The following ADAM22 variants were observed in gnomAD, a reference collection of about 807,000 sequenced individuals.
ADAM22 encodes disintegrin and metalloproteinase domain-containing protein 22.
In ADAM22, 65 loss-of-function variants were observed where a neutral mutation model predicts 144.6. The observed-to-expected ratio is 0.45, with a 90% confidence interval of 0.37 to 0.55. The LOEUF (loss-of-function observed/expected upper bound fraction) is 0.55, where lower values mean the gene tolerates loss of function less well. Ranked by LOEUF, ADAM22 falls within the 20% of genes least tolerant of loss-of-function variation. The probability of loss-of-function intolerance (pLI) is 0.00; values close to 1 mark genes in which losing one functional copy is unlikely to be tolerated. For synonymous variants in ADAM22, 391 were observed against 412.6 expected, an observed-to-expected ratio of 0.95 and a Z score of 0.63; for missense variants, 974 against 1,184.9, an observed-to-expected ratio of 0.82 and a Z score of 2.61.
rs549610788 is a variant in ADAM22 at position 88,142,614 on chromosome 7, G to A, written c.1221-412G>A. On this transcript the variant is annotated intron_variant, in intron 14 of 31. Transcript: ENST00000413139. ...AGCACTTTGGGAGGCCGAGGCGGGC[G>A]GATCACAAAGTCAGGAGATCGAGAC... 3.2e-4 allele frequency among the ~76,000 whole-genome samples: 48 copies of A among 152,112 alleles called. 1 individual carries two copies. Among genetic ancestry groups the A allele is most frequent in the African/African-American group, 1.1e-3 (44 of 41,516 alleles).
At chr7:88,130,495 A>T in intron 10 of ADAM22, 36 bp downstream of exon 10, 4 of 1,568,436 alleles carry the variant, frequency 2.6e-6, no homozygotes, top group Non-Finnish European at 2.6e-6. Flanking sequence ...GCCCTAGAAG[A>T]TTCTTATTTC....
intron 3 of ADAM22, among the ~76,000 whole-genome samples, chr7:87,987,337 C>T (rs1308212761): frequency 6.6e-6 from 1 of 152,130 alleles, no homozygotes; most frequent in Non-Finnish European, 1.5e-5. Context: ...TGCCACCATG[C>T]CTGGCTAATT....
At chr7:88,159,441 G>A (rs1240800761) in intron 22 of ADAM22, among the ~76,000 whole-genome samples, 5 of 152,044 alleles carry the variant, frequency 3.3e-5, no homozygotes, top group Non-Finnish European at 5.9e-5. Context: ...AAACATGGCA[G>A]AGACTCTACA....
intron 3 of ADAM22, among the ~76,000 whole-genome samples, chr7:88,057,127 C>CTT (rs75042550): frequency 6.8e-6 from 1 of 148,140 alleles, no homozygotes; most frequent in African/African-American, 2.5e-5. Flanking sequence ...ATTATTGAAT[C>CTT]TTTTTTTTTT....
At chr7:88,072,669 T>C (rs1469183778) in intron 3 of ADAM22, among the ~76,000 whole-genome samples, 1 of 152,234 alleles carries the variant, frequency 6.6e-6, no homozygotes, top group Non-Finnish European at 1.5e-5. Context: ...GACTTTCTGT[T>C]TCTCTTTCCT....
chr7:88,095,448 G>T (rs1233306152), intron 4 of ADAM22, among the ~76,000 whole-genome samples: 1 of 152,180 alleles, frequency 6.6e-6, no homozygotes, highest in African/African-American at 2.4e-5. Context: ...GGAAAGTACA[G>T]CCTGGACAGG....
At chr7:88,144,827 G>A (rs964959021) in intron 15 of ADAM22, among the ~76,000 whole-genome samples, 3 of 152,012 alleles carry the variant, frequency 2.0e-5, no homozygotes, top group Admixed American at 6.6e-5. Context: ...TTAGTGAATG[G>A]TTAGATCATC....
At chr7:88,045,888 T>TTGTTTG in intron 3 of ADAM22, among the ~76,000 whole-genome samples, 1 of 133,926 alleles carries the variant, frequency 7.5e-6, no homozygotes, top group South Asian at 2.7e-4. Flanking sequence ...TCGTATTCTA[T>TTGTTTG]TGTGTGTGTG....
At chr7:87,934,635 C>T in intron 1 of ADAM22, 85 bp downstream of exon 1, 3 of 1,259,278 alleles carry the variant, frequency 2.4e-6, no homozygotes, top group South Asian at 2.8e-5. Context: ...AAGGGGGCAT[C>T]CCCATTTCCC....
intron 3 of ADAM22, among the ~76,000 whole-genome samples, chr7:88,005,687 A>T (rs1584958871): frequency 6.6e-6 from 1 of 152,194 alleles, no homozygotes; most frequent in East Asian, 1.9e-4. Context: ...TCACTAATGT[A>T]GGCTTAACTT....
intron 22 of ADAM22, among the ~76,000 whole-genome samples, chr7:88,161,963 C>T (rs1326843632): frequency 1.3e-5 from 2 of 151,796 alleles, no homozygotes; most frequent in East Asian, 3.9e-4. Context: ...GGGTATAAAC[C>T]CAAAGGAATA....
At chr7:88,064,771 A>G (rs1335414642) in intron 3 of ADAM22, among the ~76,000 whole-genome samples, 1 of 152,114 alleles carries the variant, frequency 6.6e-6, no homozygotes, top group Non-Finnish European at 1.5e-5. Flanking sequence ...CAAAGGCCTC[A>G]CCTCTTAATA....
intron 11 of ADAM22, chr7:88,132,086 C>T (rs1446015009): frequency 6.6e-6 from 1 of 151,790 alleles, no homozygotes; most frequent in African/African-American, 2.4e-5. Flanking sequence ...CCATTTGTTT[C>T]ATAATTTTCT....
At chr7:87,989,142 TATAAC>T (rs1789152484) in intron 3 of ADAM22, among the ~76,000 whole-genome samples, 1 of 152,204 alleles carries the variant, frequency 6.6e-6, no homozygotes. Flanking sequence ...GAAGGTGAAA[TATAAC>T]ATATAGGATA....
intron 3 of ADAM22, among the ~76,000 whole-genome samples, chr7:88,009,106 G>A (rs1422044825): frequency 1.3e-5 from 2 of 152,106 alleles, no homozygotes; most frequent in Non-Finnish European, 2.9e-5. Context: ...GAAAACCTCT[G>A]TCATAGTGCA....
chr7:88,126,987 A>T (rs1830578982), intron 8 of ADAM22, among the ~76,000 whole-genome samples: 1 of 151,890 alleles, frequency 6.6e-6, no homozygotes, highest in African/African-American at 2.4e-5. Flanking sequence ...AACCGCATAT[A>T]CGCCATATAT....
At chr7:88,184,324 C>G in intron 29 of ADAM22, 1 of 436,800 alleles carries the variant, frequency 2.3e-6, no homozygotes, top group Non-Finnish European at 4.6e-6. Context: ...CCTGGGCACT[C>G]CCTCGCCCAG....
intron 4 of ADAM22, among the ~76,000 whole-genome samples, chr7:88,088,808 AAAC>A (rs982863695): frequency 6.6e-6 from 1 of 152,230 alleles, no homozygotes; most frequent in Non-Finnish European, 1.5e-5. Context: ...TTGTTTGTAA[AAAC>A]AACAACAATC....
rs368084042 is a variant in ADAM22, at chr7:87,978,390, A to G, written c.301A>G (p.Ile101Val). Residue 101 changes from isoleucine to valine, a missense_variant, in exon 3 of 32, where the codon ATT (isoleucine) becomes GTT (valine). Physicochemically the swap from Ile to Val is conservative, Grantham distance 29. This residue lies in a region of ADAM22 where 240 missense variants were observed against 234.3 expected (regional missense o/e 1.02). Coordinates refer to ENST00000413139, the MANE Select transcript of ADAM22 (RefSeq NM_001324418.2). ...FQVDAFGTSF[I>V]LDVVLNHDLL... ...GGTTGATGCCTTTGGAACGTCATTC[A>G]TTCTCGATGTCGTGCTAAATCAGTA... is the stretch of plus-strand genomic sequence containing the variant. 1.9e-6 allele frequency: 3 copies of G among 1,613,502 alleles called. No homozygotes were observed. The highest frequency in any genetic ancestry group is 1.7e-5 in the Admixed American group (1 of 59,932).
Sources: allele counts gnomAD v4.1 joint callset (sites outside exome capture counted in the v4.1 genomes callset), GRCh38; gene constraint gnomAD v4.1.1; regional missense constraint gnomAD v4.1.1; transcripts MANE v1.5; gene names NCBI Gene and HGNC (gene_info 2026-07-23, HGNC 2026-07-21).